The following PELI2 variants were observed in gnomAD, a reference collection of about 807,000 sequenced individuals.
PELI2 encodes pellino E3 ubiquitin protein ligase family member 2.
In PELI2, 23 loss-of-function variants were observed where a neutral mutation model predicts 42.3. That is an observed-to-expected ratio of 0.54 (90% CI 0.39 to 0.77). PELI2 has a LOEUF of 0.77. Ranked by LOEUF, PELI2 falls within the 30% of genes least tolerant of loss-of-function variation. The pLI is 0.00. For synonymous variants in PELI2, 245 were observed against 212.2 expected, an observed-to-expected ratio of 1.15 and a Z score of -1.34; for missense variants, 463 against 553.2, an observed-to-expected ratio of 0.84 and a Z score of 1.64.
At chr14:56,274,050 T>G (rs1889201923) in intron 2 of PELI2, among the ~76,000 whole-genome samples, 1 of 152,154 alleles carries the variant, frequency 6.6e-6, no homozygotes, top group Non-Finnish European at 1.5e-5. Context: ...TCAGTGTCTC[T>G]CATCCCCAGG....
chr14:56,134,887 C>T (rs1220295303), intron 1 of PELI2, among the ~76,000 whole-genome samples: 1 of 151,878 alleles, frequency 6.6e-6, no homozygotes, highest in African/African-American at 2.4e-5. Context: ...CCCAACCTGA[C>T]TTCAGTTCGT....
chr14:56,279,547 A>T, intron 2 of PELI2, 129 bp from the exon 3 acceptor site: 1 of 507,082 alleles, frequency 2.0e-6, no homozygotes, highest in East Asian at 3.2e-5. Context: ...TAGGGGAAAA[A>T]CCTGACTGTG....
intron 1 of PELI2, among the ~76,000 whole-genome samples, chr14:56,166,536 A>G (rs1884970510): frequency 6.6e-6 from 1 of 151,974 alleles, no homozygotes; most frequent in South Asian, 2.1e-4. Flanking sequence ...TCCATTTAGC[A>G]TTTCTTGTAG....
chr14:56,204,856 C>T (rs920913876), intron 2 of PELI2, among the ~76,000 whole-genome samples: 4 of 151,698 alleles, frequency 2.6e-5, no homozygotes, highest in Non-Finnish European at 5.9e-5. Flanking sequence ...ATGGTGAAAC[C>T]CTGTCTCTAC....
intron 1 of PELI2, among the ~76,000 whole-genome samples, chr14:56,142,377 A>T (rs1883946146): frequency 6.6e-6 from 1 of 152,048 alleles, no homozygotes; most frequent in Admixed American, 6.5e-5. Flanking sequence ...GGTGCCTCAC[A>T]GTTGCTAAAT....
At chr14:56,203,756 T>C (rs1200128854) in intron 2 of PELI2, among the ~76,000 whole-genome samples, 2 of 152,122 alleles carry the variant, frequency 1.3e-5, no homozygotes, top group African/African-American at 2.4e-5. Flanking sequence ...TGCAGCCCAA[T>C]ACAAGTACAA....
intron 1 of PELI2, among the ~76,000 whole-genome samples, chr14:56,127,807 A>T (rs1393850821): frequency 1.3e-5 from 2 of 152,210 alleles, no homozygotes; most frequent in African/African-American, 4.8e-5. Flanking sequence ...TTCATTTCTA[A>T]TGAGAGGGAC....
intron 2 of PELI2, among the ~76,000 whole-genome samples, chr14:56,255,934 C>T (rs1888512718): frequency 6.6e-6 from 1 of 152,190 alleles, no homozygotes; most frequent in South Asian, 2.1e-4. Flanking sequence ...CTCGTGCAAG[C>T]TCCCAGCTTG....
At chr14:56,236,236 G>A (rs945788736) in intron 2 of PELI2, among the ~76,000 whole-genome samples, 4 of 152,174 alleles carry the variant, frequency 2.6e-5, no homozygotes, top group Non-Finnish European at 5.9e-5. Context: ...GTGTCGAGAG[G>A]TGTGTATATA....
At chr14:56,129,367 G>A (rs1487459324) in intron 1 of PELI2, among the ~76,000 whole-genome samples, 1 of 152,266 alleles carries the variant, frequency 6.6e-6, no homozygotes, top group African/African-American at 2.4e-5. Flanking sequence ...GCAAGGGTGA[G>A]GTGAGATAAC....
intron 2 of PELI2, among the ~76,000 whole-genome samples, chr14:56,255,715 CG>C (rs1392848248): frequency 6.6e-6 from 1 of 152,090 alleles, no homozygotes; most frequent in Non-Finnish European, 1.5e-5. Context: ...GTTTGATGTA[CG>C]TAGGGCCCAC....
chr14:56,201,791 T>A (rs1374852638), intron 2 of PELI2, among the ~76,000 whole-genome samples: 1 of 152,222 alleles, frequency 6.6e-6, no homozygotes, highest in Non-Finnish European at 1.5e-5. Flanking sequence ...CCATAGTCAA[T>A]TAGTTCATAT....
intron 2 of PELI2, among the ~76,000 whole-genome samples, chr14:56,261,334 G>A (rs2139836948): frequency 1.3e-5 from 2 of 152,104 alleles, no homozygotes; most frequent in Admixed American, 1.3e-4. Context: ...CTGTTCATTC[G>A]TTCATGAGTT....
At chr14:56,151,011 A>T (rs1326414032) in intron 1 of PELI2, among the ~76,000 whole-genome samples, 2 of 152,264 alleles carry the variant, frequency 1.3e-5, no homozygotes, top group Middle Eastern at 3.2e-3. Flanking sequence ...GTTAAGAACT[A>T]TGAAAATGAA....
chr14:56,139,410 T>C (rs904265792), intron 1 of PELI2, among the ~76,000 whole-genome samples: 12 of 152,188 alleles, frequency 7.9e-5, no homozygotes, highest in Admixed American at 3.3e-4. Context: ...TGAGATTGCT[T>C]ATTTTCTAAG....
chr14:56,253,121 T>C (rs918877220), intron 2 of PELI2, among the ~76,000 whole-genome samples: 1 of 152,214 alleles, frequency 6.6e-6, no homozygotes, highest in African/African-American at 2.4e-5. Flanking sequence ...TCTCCGTAGA[T>C]GCAGAAAAGG....
At chr14:56,281,103 C>G (rs929966787) in intron 3 of PELI2, among the ~76,000 whole-genome samples, 5 of 152,118 alleles carry the variant, frequency 3.3e-5, no homozygotes, top group African/African-American at 1.2e-4. Flanking sequence ...TATAGGGCAA[C>G]ATTGCAGTAC....
At position 56,217,316 on chromosome 14, in the gene PELI2, T is replaced by G. The variant is rs59749865; in HGVS notation, c.207+38852T>G. Among the ~76,000 whole-genome samples, 331 of 152,312 alleles carry G rather than the reference T, an allele frequency of 2.2e-3. 7 individuals carry two copies. The East Asian group carries it at 0.048, about 22-fold the overall frequency. ...ACCTCCTGGCAGGCCTGTGGGCAGA[T>G]CCTGTCTTCTGGGAGGGGAATGGGC... On this transcript the variant is annotated intron_variant, in intron 2 of 5. Coordinates refer to ENST00000267460, the MANE Select transcript of PELI2 (RefSeq NM_021255.3).
chr14:56,258,413 GA>G (rs1259742692), intron 2 of PELI2, among the ~76,000 whole-genome samples: 1 of 151,728 alleles, frequency 6.6e-6, no homozygotes, highest in Non-Finnish European at 1.5e-5. Flanking sequence ...AACAAACCTA[GA>G]AATTACAGAT....
Sources: gnomAD v4.1 joint callset for allele counts (sites outside exome capture counted in the v4.1 genomes callset) on GRCh38, gnomAD v4.1.1 for gene constraint, MANE v1.5 for transcripts, NCBI Gene and HGNC (gene_info 2026-07-23, HGNC 2026-07-21) for gene names.